Variants in GRK5 observed in about 807,000 individuals in gnomAD.
The protein encoded by GRK5 is g protein-coupled receptor kinase GRK5.
A neutral mutation model predicts 78.4 loss-of-function variants in GRK5; 40 were observed. The observed-to-expected ratio is 0.51, with a 90% CI of 0.40 to 0.66. The LOEUF is 0.66. Among genes scored for constraint, GRK5 ranks in the 30% least tolerant of loss-of-function variants. The probability of loss-of-function intolerance (pLI) is 0.00; values close to 1 mark genes in which losing one functional copy is unlikely to be tolerated. For synonymous variants in GRK5, 289 were observed against 296.8 expected, an observed-to-expected ratio of 0.97 and a Z score of 0.27; for missense variants, 598 against 759.9, an observed-to-expected ratio of 0.79 and a Z score of 2.50.
At chr10:119,348,148 G>A (rs1851129995) in intron 2 of GRK5, among the ~76,000 whole-genome samples, 1 of 152,338 alleles carries the variant, frequency 6.6e-6, no homozygotes, top group East Asian at 1.9e-4. Flanking sequence ...GAGTCCAGGG[G>A]CCTGGCTTTG....
intron 3 of GRK5, among the ~76,000 whole-genome samples, chr10:119,388,904 G>T (rs1851841118): frequency 6.6e-6 from 1 of 152,192 alleles, no homozygotes; most frequent in South Asian, 2.1e-4. Context: ...GGGATTGCTT[G>T]AGTGTCCTCA....
At chr10:119,390,383 C>T (rs1404910833) in intron 3 of GRK5, among the ~76,000 whole-genome samples, 1 of 152,122 alleles carries the variant, frequency 6.6e-6, no homozygotes, top group Non-Finnish European at 1.5e-5. Context: ...AGCAGAACTG[C>T]CCTTTATAAA....
chr10:119,222,438 G>A (rs1214819973), intron 1 of GRK5, among the ~76,000 whole-genome samples: 1 of 151,974 alleles, frequency 6.6e-6, no homozygotes, highest in Non-Finnish European at 1.5e-5. Context: ...CTTTGATCTG[G>A]CACAGTATCC....
At chr10:119,272,935 G>C (rs1352427562) in intron 1 of GRK5, among the ~76,000 whole-genome samples, 1 of 152,240 alleles carries the variant, frequency 6.6e-6, no homozygotes, top group African/African-American at 2.4e-5. Flanking sequence ...GCTCTGAGCA[G>C]GCTTCAAGCA....
chr10:119,455,202 C>A lies in GRK5; in HGVS notation c.*135C>A. On this transcript the variant is annotated 3_prime_UTR_variant, in exon 16 of 16. Transcript: ENST00000392870. ...AGCCGGGGAAGGAGGCCGTCCATCCCGTCGACGTAGAACCTCGAGGTTTCT... is the reference window on the plus strand; with the variant it reads ...AGCCGGGGAAGGAGGCCGTCCATCCAGTCGACGTAGAACCTCGAGGTTTCT... 1 of 760,426 alleles carries A rather than the reference C, an allele frequency of 1.3e-6. No homozygotes were observed. Among genetic ancestry groups the A allele is most frequent in the South Asian group, 1.4e-5 (1 of 69,978 alleles). The allele number at this position is 760,426 out of a possible 1,614,324, so 47.1% of individuals were successfully genotyped here.
chr10:119,359,905 G>A (rs538902795), intron 2 of GRK5, among the ~76,000 whole-genome samples: 4 of 152,232 alleles, frequency 2.6e-5, no homozygotes, highest in South Asian at 4.2e-4. Flanking sequence ...GTCGTAGTGG[G>A]TACCTGGCTA....
chr10:119,235,346 T>TC (rs1372521929), intron 1 of GRK5, among the ~76,000 whole-genome samples: 1 of 152,170 alleles, frequency 6.6e-6, no homozygotes, highest in Non-Finnish European at 1.5e-5. Context: ...GAAAACCATA[T>TC]CCTGGAACTC....
At position 119,378,586 on chromosome 10, in the gene GRK5, G is replaced by GT. The variant is rs1372203695; in HGVS notation, c.149-2228dup. 2.0e-5 allele frequency among the ~76,000 whole-genome samples: 3 copies of GT among 152,246 alleles called. No homozygotes were observed. The highest frequency in any genetic ancestry group is 7.2e-5 in the African/African-American group (3 of 41,468). On this transcript the variant is annotated intron_variant, in intron 2 of 15. Coordinates refer to ENST00000392870, the MANE Select transcript of GRK5 (RefSeq NM_005308.3). The surrounding 1 kb of genome is among the most constrained non-coding windows in gnomAD (Gnocchi z 4.5). ...AGGCAGACAGCGGAGTGCTGAGGCC[G>GT]TGTCCCCGTGTGGTGAATAAATGCC...
chr10:119,289,449 G>A (rs1006715820), intron 1 of GRK5, among the ~76,000 whole-genome samples: 3 of 152,202 alleles, frequency 2.0e-5, no homozygotes, highest in South Asian at 2.1e-4. Context: ...CTAGGAGGCC[G>A]CACCTGACCT....
intron 1 of GRK5, among the ~76,000 whole-genome samples, chr10:119,268,060 AT>A: frequency 6.6e-6 from 1 of 152,112 alleles, no homozygotes; most frequent in East Asian, 1.9e-4. Context: ...GTGTCACTAA[AT>A]GGCAAGGAAC....
intron 1 of GRK5, among the ~76,000 whole-genome samples, chr10:119,301,207 C>A (rs1850175846): frequency 6.6e-6 from 1 of 151,556 alleles, no homozygotes; most frequent in African/African-American, 2.4e-5. Context: ...AGAAGCACGT[C>A]ATCTACACCC....
intron 1 of GRK5, among the ~76,000 whole-genome samples, chr10:119,303,941 A>G (rs1261250258): frequency 1.3e-5 from 2 of 152,134 alleles, no homozygotes; most frequent in Non-Finnish European, 2.9e-5. Context: ...CCCTACAGCC[A>G]GACTCAGGGT....
chr10:119,241,868 G>A (rs1410334680), intron 1 of GRK5, among the ~76,000 whole-genome samples: 1 of 152,196 alleles, frequency 6.6e-6, no homozygotes, highest in Non-Finnish European at 1.5e-5. Context: ...ATAGGGAAAT[G>A]TGGCTCAAGG....
At chr10:119,375,664 A>G (rs1418495193) in intron 2 of GRK5, among the ~76,000 whole-genome samples, 1 of 152,214 alleles carries the variant, frequency 6.6e-6, no homozygotes, top group Non-Finnish European at 1.5e-5. Context: ...CTGGGTAGAC[A>G]TGGTTCTGTC....
chr10:119,360,976 A>T (rs1232773245), intron 2 of GRK5, among the ~76,000 whole-genome samples: 4 of 152,154 alleles, frequency 2.6e-5, no homozygotes, highest in Non-Finnish European at 4.4e-5. Context: ...CCCAAGGATG[A>T]GTCTCTTTGG....
chr10:119,452,636 G>A lies in GRK5; in HGVS notation c.1405-35G>A, dbSNP rs1274184967. 10 of 1,612,740 alleles carry A rather than the reference G, an allele frequency of 6.2e-6. No homozygotes were observed. The African/African-American group carries it at 6.7e-5, about 11-fold the overall frequency. On this transcript the variant is annotated intron_variant, in intron 13 of 15. Transcript: ENST00000392870. This position sits in a 1 kb window ranked among gnomAD's most constrained non-coding sequence, Gnocchi z 4.4. ...CTCGGGGCCACTGGAGCCGCAGGCG[G>A]GACATATGTGTGACCGGCCCTCTGC...
chr10:119,301,791 G>A (rs936377385), intron 1 of GRK5, among the ~76,000 whole-genome samples: 6 of 152,152 alleles, frequency 3.9e-5, no homozygotes, highest in South Asian at 2.1e-4. Context: ...AACACTTATC[G>A]TGGGTAGCAT....
chr10:119,298,516 A>G (rs570339047), intron 1 of GRK5, among the ~76,000 whole-genome samples: 1 of 152,246 alleles, frequency 6.6e-6, no homozygotes, highest in African/African-American at 2.4e-5. Flanking sequence ...TCGGCATCTC[A>G]AACTTAGCAT....
At chr10:119,350,205 C>T (rs1424278739) in intron 2 of GRK5, among the ~76,000 whole-genome samples, 1 of 152,228 alleles carries the variant, frequency 6.6e-6, no homozygotes, top group African/African-American at 2.4e-5. Flanking sequence ...AGCTCCAGCC[C>T]CTTTCACATG....
Sources: allele counts gnomAD v4.1 joint callset (sites outside exome capture counted in the v4.1 genomes callset), GRCh38; gene constraint gnomAD v4.1.1; non-coding constraint Gnocchi (gnomAD v3.1); transcripts MANE v1.5; gene names NCBI Gene and HGNC (gene_info 2026-07-23, HGNC 2026-07-21).